Variants in PHF12 observed in about 807,000 individuals in gnomAD.
PHF12 encodes the protein PHD finger protein 12.
PHF12 carries 6 observed loss-of-function variants against 99.8 expected under a neutral mutation model. The observed-to-expected ratio is 0.06, with a 90% CI of 0.03 to 0.12. PHF12 has a LOEUF of 0.12. Among genes scored for constraint, PHF12 ranks in the 10% least tolerant of loss-of-function variants. The probability of loss-of-function intolerance (pLI) is 1.00; values close to 1 mark genes in which losing one functional copy is unlikely to be tolerated. For missense variants in PHF12, 954 were observed against 1,300.1 expected, an observed-to-expected ratio of 0.73 and a Z score of 4.09; for synonymous variants, 480 against 514.9, an observed-to-expected ratio of 0.93 and a Z score of 0.92.
At position 28,905,250 on chromosome 17, in the gene PHF12, T is replaced by C. The variant is rs1472854651; in HGVS notation, c.*933A>G. 1.3e-5 allele frequency: 2 copies of C among 152,484 alleles called. No individual in the cohort carries two copies. The highest frequency in any genetic ancestry group is 2.4e-5 in the African/African-American group (1 of 41,412). 9.4% of individuals were successfully genotyped at this position (152,484 alleles called of 1,614,324 possible). On this transcript the variant is annotated 3_prime_UTR_variant, in exon 15 of 15. Coordinates refer to ENST00000332830, the MANE Select transcript of PHF12 (RefSeq NM_001033561.2). The stretch of plus-strand genomic sequence containing the variant: ...GGTAGGACAGACAGTCAGAAAACAA[T>C]TTGAAGTATTTTTGTTTTTTATATA...
At chr17:28,917,948 ACTC>A (rs1401805132) in intron 6 of PHF12, among the ~76,000 whole-genome samples, 1 of 152,026 alleles carries the variant, frequency 6.6e-6, no homozygotes, top group African/African-American at 2.4e-5. Context: ...GCTCTGCTCT[ACTC>A]CTACTCCGTG....
intron 2 of PHF12, among the ~76,000 whole-genome samples, chr17:28,928,662 A>AT: frequency 1.3e-5 from 2 of 152,214 alleles, no homozygotes; most frequent in South Asian, 4.1e-4. Context: ...GGCACCTGTA[A>AT]TCCCAGCTAC....
chr17:28,928,250 C>T (rs572166744), intron 2 of PHF12: 1 of 152,322 alleles, frequency 6.6e-6, no homozygotes, highest in Non-Finnish European at 1.5e-5. Flanking sequence ...TCATGTGAAA[C>T]AGAAAAACCA....
In PHF12 at chr17:28,910,498, T is replaced by C. The variant is rs2039939918; in HGVS notation, c.2216-129A>G. The C allele has an allele frequency of 5.2e-6, 6 of 1,151,458 alleles. No individual in the cohort carries two copies. The East Asian group carries it at 7.6e-5, about 15-fold the overall frequency. 71.3% of individuals were successfully genotyped at this position (1,151,458 alleles called of 1,614,324 possible). A position where few individuals can be genotyped will look rare whatever the true frequency, so the allele number is the denominator to read the frequency against. ...CCAAGTGATTTTTACTCAAACAGCA[T>C]TGAGTGCAGAGCGTACAAGGATCTG... On this transcript the variant is annotated intron_variant, in intron 10 of 14. Coordinates refer to ENST00000332830, the MANE Select transcript of PHF12 (RefSeq NM_001033561.2).
intron 3 of PHF12, chr17:28,925,119 C>T (rs2040244529): frequency 6.6e-6 from 1 of 152,152 alleles, no homozygotes; most frequent in Non-Finnish European, 1.5e-5. Flanking sequence ...AGTACATTTT[C>T]CTCCAGGACT....
In PHF12 at chr17:28,906,877, C is replaced by T. The variant is rs748428239; in HGVS notation, c.2659G>A (p.Ala887Thr). Reference protein sequence around the residue: ...TPPTPPSSIVAKVQSVIRRRR... With the variant: ...TPPTPPSSIVTKVQSVIRRRR... ...TTACTGATGACACTCTGCACTTTGG[C>T]AACAATACTGCTTGGGGGGGTTGGC... Residue 887 changes from alanine to threonine, a missense_variant, in exon 14 of 15, where the codon GCC becomes ACC. By Grantham distance (58) the Ala-to-Thr change is moderately conservative. Transcript: ENST00000332830. The surrounding 1 kb of genome is among the most constrained non-coding windows in gnomAD (Gnocchi z 4.2). 141 of 1,607,622 alleles carry T rather than the reference C, an allele frequency of 8.8e-5. 1 individual carries two copies. In the South Asian group the frequency reaches 1.5e-3, roughly 17 times the overall value.
Position 28,912,597 on chromosome 17 carries a change from C to T in PHF12, c.1974G>A (p.Arg658=), listed in dbSNP as rs976656174. The T allele has an allele frequency of 8.1e-6, 13 of 1,614,022 alleles. No homozygotes were observed. The highest frequency in any genetic ancestry group is 4.5e-5 in the East Asian group (2 of 44,888). The part of the protein sequence containing the change: ...SQIGPPLTDS[R]PLGSPPNATR... ...TGGCGTTTGGGGGTGAGCCCAGTGGCCTTGAATCTGTCAACGGAGGTCCTA... is the reference window on the plus strand; with the variant it reads ...TGGCGTTTGGGGGTGAGCCCAGTGGTCTTGAATCTGTCAACGGAGGTCCTA... Residue 658 remains arginine, a synonymous_variant, in exon 9 of 15, where the codon AGG becomes AGA. Transcript: ENST00000332830.
chr17:28,906,824 C>T lies in PHF12; in HGVS notation c.2680+32G>A. 1 of 1,569,526 alleles carries T rather than the reference C, an allele frequency of 6.4e-7. No individual in the cohort carries two copies. Among genetic ancestry groups the T allele is most frequent in the Non-Finnish European group, 8.7e-7 (1 of 1,155,312 alleles). On this transcript the variant is annotated intron_variant, in intron 14 of 14. Coordinates refer to ENST00000332830, the MANE Select transcript of PHF12 (RefSeq NM_001033561.2). This position sits in a 1 kb window ranked among gnomAD's most constrained non-coding sequence, Gnocchi z 4.2. ...AGAACCACCCTGACTGGGGCCTCAG[C>T]TTTGTGGCCACAGATCTCTGCTCCA... is the stretch of plus-strand genomic sequence containing the variant.
intron 2 of PHF12, among the ~76,000 whole-genome samples, chr17:28,929,243 A>G (rs550515215): frequency 1.3e-5 from 2 of 151,086 alleles, no homozygotes; most frequent in Admixed American, 6.6e-5. Flanking sequence ...AAAAAAAAAA[A>G]TTGAGTATTT....
chr17:28,948,496 C>T (rs1464882729), intron 2 of PHF12, among the ~76,000 whole-genome samples: 1 of 152,200 alleles, frequency 6.6e-6, no homozygotes. Context: ...ACTTCCTCTA[C>T]GATAATCATT....
In PHF12 at chr17:28,950,522, C is replaced by T. The variant is rs2040791888; in HGVS notation, c.67-276G>A. On this transcript the variant is annotated intron_variant, in intron 1 of 14. Transcript: ENST00000332830. The surrounding 1 kb of genome is among the most constrained non-coding windows in gnomAD (Gnocchi z 5.7). ...GTGCGCGGTTCCCTTCTTGCCACTT[C>T]CTTGTATGGACAGTGGGGGACTCCA... The T allele has an allele frequency of 5.4e-6, 3 of 551,826 alleles. No individual in the cohort carries two copies. In the South Asian group the frequency reaches 6.8e-5, roughly 12 times the overall value. The allele number at this position is 551,826 out of a possible 1,614,324, so 34.2% of individuals were successfully genotyped here.
chr17:28,918,520 TGACA>T (rs1429866533), intron 6 of PHF12, among the ~76,000 whole-genome samples: 1 of 152,268 alleles, frequency 6.6e-6, no homozygotes, highest in Non-Finnish European at 1.5e-5. Context: ...TATCATCATT[TGACA>T]GACAATGTCT....
At chr17:28,936,863 C>G (rs995202064) in intron 2 of PHF12, among the ~76,000 whole-genome samples, 2 of 151,956 alleles carry the variant, frequency 1.3e-5, no homozygotes, top group Admixed American at 1.3e-4. Flanking sequence ...CTGTGTAAGA[C>G]AAACTGCAAA....
intron 8 of PHF12, 21 bp downstream of exon 8, chr17:28,913,858 C>A (rs879034330): frequency 2.5e-6 from 4 of 1,582,926 alleles, no homozygotes; most frequent in Non-Finnish European, 3.5e-6. Context: ...GATTTGGAAT[C>A]CCCGCCCCAC....
rs143878352 is a variant in PHF12 at position 28,921,705 on chromosome 17, G to A, written c.819C>T (p.Val273=). 3.1e-6 allele frequency: 5 copies of A among 1,614,054 alleles called. 1 individual carries two copies. Among genetic ancestry groups the A allele is most frequent in the South Asian group, 2.2e-5 (2 of 91,074 alleles). ...HNGLVPLPVK[V]CFTCNRSCRV... ...GAAAATACCTGTTACACGTGAAGCA[G>A]ACTTTGACGGGTAAGGGAACGAGAC... Residue 273 remains valine, a synonymous_variant, in exon 5 of 15, where the codon GTC becomes GTT. Transcript: ENST00000332830.
In PHF12 at chr17:28,924,012, G is replaced by A. The variant is rs975164114; in HGVS notation, c.612C>T (p.Pro204=). 2 of 1,613,990 alleles carry A rather than the reference G, an allele frequency of 1.2e-6. No individual in the cohort carries two copies. Among genetic ancestry groups the A allele is most frequent in the African/African-American group, 2.7e-5 (2 of 74,902 alleles). The change falls in exon 4 of 15, where the codon CCC becomes CCT. Residue 204 remains proline, a synonymous_variant. Transcript: ENST00000332830. ...GCAGCTCAAAGGGCCGCCTCAGCTG[G>A]GGCTGCACATAGTCTGGCTCCGCTG... ...PVAAEPDYVQ[P]QLRRPFELLI...
At position 28,913,941 on chromosome 17, in the gene PHF12, C is replaced by T. The variant is rs1463693288; in HGVS notation, c.1231G>A (p.Glu411Lys). ...TTCAAAAGGTGCATCTGTGATTCCTCAGGGATCCCATTGCAGATCAGCTCC... is the reference window on the plus strand; with the variant it reads ...TTCAAAAGGTGCATCTGTGATTCCTTAGGGATCCCATTGCAGATCAGCTCC... ...DGELICNGIP[E>K]ESQMHLLNSE... is the part of the protein sequence containing the mutation. The change falls in exon 8 of 15, where the codon GAG becomes AAG. Residue 411 changes from glutamate to lysine, a missense_variant. By Grantham distance (56) the Glu-to-Lys change is moderately conservative. Around this residue, in one of 8 missense-constraint regions of PHF12, gnomAD observed 392 missense variants for 423.1 expected, o/e 0.93. Coordinates refer to ENST00000332830, the MANE Select transcript of PHF12 (RefSeq NM_001033561.2). 3 of 1,613,830 alleles carry T rather than the reference C, an allele frequency of 1.9e-6. No individual in the cohort carries two copies. Among genetic ancestry groups the T allele is most frequent in the South Asian group, 1.1e-5 (1 of 91,082 alleles).
At chr17:28,914,114 G>T in intron 7 of PHF12, 77 bp from the exon 8 acceptor site, 1 of 1,456,436 alleles carries the variant, frequency 6.9e-7, no homozygotes, top group Non-Finnish European at 9.4e-7. Context: ...CTGGTATGCT[G>T]TTCTGTCTGT....
At chr17:28,946,707 T>C (rs1329467031) in intron 2 of PHF12, among the ~76,000 whole-genome samples, 3 of 152,214 alleles carry the variant, frequency 2.0e-5, no homozygotes, top group Non-Finnish European at 4.4e-5. Flanking sequence ...TTTCACTTTT[T>C]CTTTAAATTT....
Sources: allele counts gnomAD v4.1 joint callset (sites outside exome capture counted in the v4.1 genomes callset), GRCh38; gene constraint gnomAD v4.1.1; regional missense constraint gnomAD v4.1.1; non-coding constraint Gnocchi (gnomAD v3.1); transcripts MANE v1.5; gene names NCBI Gene and HGNC (gene_info 2026-07-23, HGNC 2026-07-21).